Variants in WDHD1 observed in about 807,000 individuals in gnomAD.
WDHD1 encodes the protein WD repeat and HMG-box DNA binding protein 1.
In WDHD1, 111 loss-of-function variants were observed where a neutral mutation model predicts 135.4. That is an observed-to-expected ratio of 0.82 (90% CI 0.70 to 0.96). WDHD1 has a LOEUF of 0.96. Ranked by LOEUF, WDHD1 falls within the 40% of genes least tolerant of loss-of-function variation. The pLI is 0.00. For missense variants in WDHD1, 1,351 were observed against 1,336.3 expected (o/e 1.01, Z -0.17); for synonymous variants, 434 against 439.0 (o/e 0.99, Z 0.14).
chr14:54,941,533 G>C lies in WDHD1; in HGVS notation c.3347C>G (p.Ser1116Cys), dbSNP rs2040837744. 5.0e-6 allele frequency: 8 copies of C among 1,613,064 alleles called. No individual in the cohort carries two copies. The highest frequency in any genetic ancestry group is 6.8e-6 in the Non-Finnish European group (8 of 1,179,858). ...AAAAGCTGATAGTTTCTGATTTGTA[G>C]AAAAATCTAAAGGTTTCTGCTTTTT... The part of the protein sequence containing the change: ...LSKKQKPLDF[S>C]TNQKLSAFAF... The change falls in exon 26 of 26, where the codon TCT becomes TGT. Residue 1116 changes from serine (S) to cysteine (C), a missense_variant. Physicochemically the swap from Ser to Cys is moderately radical, Grantham distance 112. Coordinates refer to ENST00000360586, the MANE Select transcript of WDHD1 (RefSeq NM_007086.4).
Position 55,008,635 on chromosome 14 carries a change from AAGACTTAAAAC to A in WDHD1, c.415_425del (p.Val139PhefsTer3). ...GAAAGATGTCCTTAGGATCAAAGGA[AAGACTTAAAAC>A]AGGGGCATCATGTCCTCGAAATGTT... On this transcript the variant is annotated frameshift_variant, in exon 5 of 26. Coordinates refer to ENST00000360586, the MANE Select transcript of WDHD1 (RefSeq NM_007086.4). LOFTEE classifies it high-confidence loss of function. 6.2e-7 allele frequency: 1 copy of A among 1,610,798 alleles called. No homozygotes were observed. Among genetic ancestry groups the A allele is most frequent in the Non-Finnish European group, 8.5e-7 (1 of 1,179,246 alleles).
intron 16 of WDHD1, among the ~76,000 whole-genome samples, chr14:54,980,636 T>C (rs2041602332): frequency 6.6e-6 from 1 of 151,950 alleles, no homozygotes; most frequent in African/African-American, 2.4e-5. Flanking sequence ...AAACCCTGTC[T>C]CTACTAAAAA....
At chr14:54,982,056 G>GA (rs1250355391) in intron 15 of WDHD1, among the ~76,000 whole-genome samples, 1 of 151,584 alleles carries the variant, frequency 6.6e-6, no homozygotes, top group Non-Finnish European at 1.5e-5. Context: ...ACCCAGGCTG[G>GA]AGGGCAGTGG....
intron 11 of WDHD1, among the ~76,000 whole-genome samples, chr14:54,994,285 TATTTC>T (rs1198599869): frequency 1.3e-5 from 2 of 152,226 alleles, no homozygotes; most frequent in Non-Finnish European, 2.9e-5. Flanking sequence ...AAAATTCGTC[TATTTC>T]ATTTAAGTTG....
intron 16 of WDHD1, among the ~76,000 whole-genome samples, chr14:54,978,164 C>T (rs889828155): frequency 2.0e-5 from 3 of 152,126 alleles, no homozygotes; most frequent in Admixed American, 1.3e-4. Context: ...CTCATAGGTT[C>T]AAACCTTAAC....
intron 8 of WDHD1, 99 bp downstream of exon 8, chr14:55,001,994 T>C: frequency 1.2e-6 from 1 of 847,608 alleles, no homozygotes. Flanking sequence ...CCAGGAGTTG[T>C]TTTCCATTCC....
intron 12 of WDHD1, among the ~76,000 whole-genome samples, chr14:54,989,573 G>C (rs1472428506): frequency 6.6e-6 from 1 of 151,860 alleles, no homozygotes; most frequent in African/African-American, 2.4e-5. Flanking sequence ...CAAAAATTGA[G>C]TTTTCTTACA....
intron 6 of WDHD1, among the ~76,000 whole-genome samples, chr14:55,007,980 T>G (rs1217471265): frequency 6.6e-6 from 1 of 152,194 alleles, no homozygotes; most frequent in African/African-American, 2.4e-5. Context: ...ATGTGACCCA[T>G]AATTTTTTAT....
intron 21 of WDHD1, among the ~76,000 whole-genome samples, chr14:54,961,368 G>A (rs576677404): frequency 1.3e-5 from 2 of 151,968 alleles, no homozygotes; most frequent in East Asian, 3.9e-4. Context: ...CCTTAATATG[G>A]CCTACACAGA....
At chr14:54,956,775 GA>G (rs936570307) in intron 23 of WDHD1, among the ~76,000 whole-genome samples, 25 of 152,118 alleles carry the variant, frequency 1.6e-4, no homozygotes, top group African/African-American at 6.0e-4. Flanking sequence ...GTTTTTTTCA[GA>G]TGGGGTATCT....
At chr14:54,959,791 C>CT (rs1205670670) in intron 21 of WDHD1, among the ~76,000 whole-genome samples, 1 of 151,808 alleles carries the variant, frequency 6.6e-6, no homozygotes, top group African/African-American at 2.4e-5. Flanking sequence ...CGCACCCCCC[C>CT]CACCAAACAA....
At chr14:54,980,835 G>T (rs989773805) in intron 16 of WDHD1, among the ~76,000 whole-genome samples, 7 of 150,182 alleles carry the variant, frequency 4.7e-5, no homozygotes, top group African/African-American at 1.2e-4. Context: ...ACTCAGCTGG[G>T]CGTGGTGGCT....
At position 54,995,830 on chromosome 14, in the gene WDHD1, C is replaced by T; in HGVS notation, c.943-17G>A. On this transcript the variant is annotated splice_polypyrimidine_tract_variant and intron_variant, in intron 10 of 25. Transcript: ENST00000360586. ...GCTAGATACCTTGAACAAATTAATA[C>T]AAATTATAAAGTAAAAGTGAATGAT... 1 of 1,496,362 alleles carries T rather than the reference C, an allele frequency of 6.7e-7. No individual in the cohort carries two copies. Among genetic ancestry groups the T allele is most frequent in the South Asian group, 1.4e-5 (1 of 71,290 alleles). 92.7% of individuals were successfully genotyped at this position (1,496,362 alleles called of 1,614,324 possible). A position where few individuals can be genotyped will look rare whatever the true frequency, so the allele number is the denominator to read the frequency against.
At chr14:54,971,341 C>T (rs2041428384) in intron 16 of WDHD1, among the ~76,000 whole-genome samples, 1 of 152,094 alleles carries the variant, frequency 6.6e-6, no homozygotes, top group Non-Finnish European at 1.5e-5. Context: ...CTTTGGGAGG[C>T]CAAGGCAGGA....
At chr14:55,021,073 CATACTTGGTGTG>C (rs1438874004) in intron 2 of WDHD1, among the ~76,000 whole-genome samples, 5 of 152,118 alleles carry the variant, frequency 3.3e-5, no homozygotes, top group African/African-American at 1.2e-4. Flanking sequence ...GAGAGGCAGG[CATACTTGGTGTG>C]ACCTTATAAA....
At chr14:54,997,919 A>T (rs2041912347) in intron 10 of WDHD1, among the ~76,000 whole-genome samples, 1 of 151,716 alleles carries the variant, frequency 6.6e-6, no homozygotes, top group African/African-American at 2.4e-5. Flanking sequence ...CTCAAAAAAA[A>T]AAAATGGGGA....
intron 2 of WDHD1, among the ~76,000 whole-genome samples, chr14:55,018,343 G>A (rs2140231020): frequency 6.6e-6 from 1 of 152,220 alleles, no homozygotes; most frequent in South Asian, 2.1e-4. Context: ...AATAAGAATT[G>A]AACAAATTGT....
chr14:54,948,164 G>A (rs1296711869), intron 24 of WDHD1, among the ~76,000 whole-genome samples: 3 of 152,222 alleles, frequency 2.0e-5, no homozygotes, highest in Admixed American at 6.5e-5. Flanking sequence ...TCCAACTGAG[G>A]TACCAGGTTC....
chr14:54,999,030 A>G (rs550658486), intron 10 of WDHD1, among the ~76,000 whole-genome samples: 5 of 152,120 alleles, frequency 3.3e-5, no homozygotes, highest in African/African-American at 1.2e-4. Flanking sequence ...TTCTTTTACA[A>G]CTTTTTGTCT....
Sources: allele counts gnomAD v4.1 joint callset (sites outside exome capture counted in the v4.1 genomes callset), GRCh38; gene constraint gnomAD v4.1.1; transcripts MANE v1.5; gene names NCBI Gene and HGNC (gene_info 2026-07-23, HGNC 2026-07-21).